The following HLCS variants were observed in gnomAD, a reference collection of about 807,000 sequenced individuals.
HLCS encodes the protein biotin--protein ligase.
Under a neutral mutation model 75.0 loss-of-function variants are expected in HLCS, and 53 were observed. The observed-to-expected ratio is 0.71, with a 90% CI of 0.57 to 0.89. The LOEUF (loss-of-function observed/expected upper bound fraction) is 0.89. Ranked by LOEUF, HLCS falls within the 40% of genes least tolerant of loss-of-function variation. HLCS has a pLI of 0.00. For synonymous variants in HLCS, 431 were observed against 428.6 expected (o/e 1.01, Z -0.07); for missense variants, 966 against 1,074.0 (o/e 0.90, Z 1.41).
intron 5 of HLCS, among the ~76,000 whole-genome samples, chr21:36,897,669 A>T (rs1379400670): frequency 6.6e-6 from 1 of 152,216 alleles, no homozygotes; most frequent in Non-Finnish European, 1.5e-5. Flanking sequence ...CCAACAAAGA[A>T]GACAATAATC....
intron 6 of HLCS, among the ~76,000 whole-genome samples, chr21:36,799,067 T>C (rs563518023): frequency 1.3e-5 from 2 of 152,294 alleles, no homozygotes; most frequent in Non-Finnish European, 2.9e-5. Flanking sequence ...TTATAGTTCA[T>C]GCTTTTTGTG....
In HLCS at chr21:36,952,088, T is replaced by G. The variant is rs538555365; in HGVS notation, c.330+9948A>C. Among the ~76,000 whole-genome samples the G allele has an allele frequency of 2.0e-5, 3 of 152,254 alleles. No homozygotes were observed. In the East Asian group the frequency reaches 5.8e-4, roughly 29 times the overall value. ...GTATAGTCTTAAAGATGTGAAAAAA[T>G]ATAAGATCCCATCAATTCAAATGTC... is the stretch of plus-strand genomic sequence containing the variant. On this transcript the variant is annotated intron_variant, in intron 2 of 10. Coordinates refer to ENST00000674895, the MANE Select transcript of HLCS (RefSeq NM_001352514.2).
At chr21:36,945,808 T>C (rs1046096630) in intron 2 of HLCS, among the ~76,000 whole-genome samples, 37 of 152,214 alleles carry the variant, frequency 2.4e-4, no homozygotes, top group African/African-American at 8.2e-4. Flanking sequence ...TTCATGTGAA[T>C]TATATCTCAA....
At chr21:36,980,884 G>C (rs1431762157) in intron 1 of HLCS, 1 of 152,836 alleles carries the variant, frequency 6.5e-6, no homozygotes, top group Non-Finnish European at 1.5e-5. Flanking sequence ...CTGGCCACAC[G>C]GGCTGAGACG....
Position 36,937,049 on chromosome 21 carries a change from G to A in HLCS, c.837C>T (p.Pro279=). Residue 279 remains proline (P), a synonymous_variant, in exon 4 of 11, where the codon CCC becomes CCT. Coordinates refer to ENST00000674895, the MANE Select transcript of HLCS (RefSeq NM_001352514.2). The part of the protein sequence containing the change: ...FASAENIPDL[P]YDYSSSLESV... ...TCTCCAAACTGCTGCTATAATCGTA[G>A]GGAAGGTCTGGAATGTTCTCGGCAG... is the stretch of plus-strand genomic sequence containing the variant. 1 of 1,614,118 alleles carries A rather than the reference G, an allele frequency of 6.2e-7. No homozygotes were observed. The highest frequency in any genetic ancestry group is 8.5e-7 in the Non-Finnish European group (1 of 1,180,014).
At chr21:36,964,129 G>A (rs1453911455) in intron 1 of HLCS, among the ~76,000 whole-genome samples, 2 of 152,204 alleles carry the variant, frequency 1.3e-5, no homozygotes, top group African/African-American at 2.4e-5. Flanking sequence ...GGACGCCAAA[G>A]GAGGAGAATC....
chr21:36,961,012 G>A (rs1383589693), intron 2 of HLCS, among the ~76,000 whole-genome samples: 1 of 152,216 alleles, frequency 6.6e-6, no homozygotes, highest in Non-Finnish European at 1.5e-5. Flanking sequence ...AGGAGCAGTG[G>A]AGATGAAGGA....
chr21:36,917,862 G>A lies in HLCS; in HGVS notation c.1620+12389C>T, dbSNP rs556646086. Among the ~76,000 whole-genome samples, 173 of 151,808 alleles carry A rather than the reference G, an allele frequency of 1.1e-3. 1 individual carries two copies. The Middle Eastern group carries it at 0.017, about 15-fold the overall frequency. On this transcript the variant is annotated intron_variant, in intron 5 of 10. Coordinates refer to ENST00000674895, the MANE Select transcript of HLCS (RefSeq NM_001352514.2). ...AGGCCATTCTAGGTAACAGCTGGAG[G>A]TGACTGGGGAAGCTGCAGAAATCCA...
chr21:36,835,982 A>G (rs2062398141), intron 6 of HLCS, among the ~76,000 whole-genome samples: 1 of 151,942 alleles, frequency 6.6e-6, no homozygotes, highest in Admixed American at 6.6e-5. Context: ...CCCTGCCCAC[A>G]ACTAACACAT....
chr21:36,834,815 T>C (rs555064913), intron 6 of HLCS, among the ~76,000 whole-genome samples: 39 of 152,232 alleles, frequency 2.6e-4, no homozygotes, highest in Non-Finnish European at 3.5e-4. Context: ...CGGCCTCCCA[T>C]AGTGCTGGGA....
Position 36,760,235 on chromosome 21 carries a change from C to T in HLCS, c.2122-394G>A, listed in dbSNP as rs143360750. Among the ~76,000 whole-genome samples, 63 of 152,290 alleles carry T rather than the reference C, an allele frequency of 4.1e-4. No homozygotes were observed. In the East Asian group the frequency reaches 9.1e-3, roughly 22 times the overall value. On this transcript the variant is annotated intron_variant, in intron 8 of 10. Transcript: ENST00000674895. ...AGAGAATAGTAATCTCAGGGGGCGT[C>T]TCCCTTCAGGAACCCATGCTTGAGA...
chr21:36,755,146 T>G (rs1332956065), intron 10 of HLCS, among the ~76,000 whole-genome samples: 6 of 151,926 alleles, frequency 3.9e-5, no homozygotes, highest in African/African-American at 1.4e-4. Flanking sequence ...TTTGTAACCT[T>G]AGCACTTTGG....
intron 6 of HLCS, among the ~76,000 whole-genome samples, chr21:36,800,753 A>T (rs1349004847): frequency 6.6e-6 from 1 of 152,192 alleles, no homozygotes; most frequent in African/African-American, 2.4e-5. Flanking sequence ...CAAGTAAAAG[A>T]CAGTAACTAA....
chr21:36,851,095 G>A (rs2062988034), intron 6 of HLCS, among the ~76,000 whole-genome samples: 1 of 152,156 alleles, frequency 6.6e-6, no homozygotes, highest in South Asian at 2.1e-4. Context: ...AAAACAAAAA[G>A]GTTATGAGAG....
At chr21:36,840,734 T>C (rs973009997) in intron 6 of HLCS, among the ~76,000 whole-genome samples, 6 of 152,240 alleles carry the variant, frequency 3.9e-5, no homozygotes, top group African/African-American at 1.4e-4. Flanking sequence ...CGCCTCAGCC[T>C]CCCGAATAGC....
intron 1 of HLCS, chr21:36,981,048 C>G (rs2069109685): frequency 6.6e-6 from 1 of 152,410 alleles, no homozygotes; most frequent in Admixed American, 6.5e-5. Context: ...TGGCCTGCCC[C>G]CTGGCCAGGT....
At chr21:36,904,933 T>C (rs1247815117) in intron 5 of HLCS, among the ~76,000 whole-genome samples, 1 of 152,188 alleles carries the variant, frequency 6.6e-6, no homozygotes, top group African/African-American at 2.4e-5. Flanking sequence ...GGCTGACATA[T>C]AAGTAGCACT....
intron 5 of HLCS, among the ~76,000 whole-genome samples, chr21:36,902,431 C>A (rs2065273984): frequency 6.6e-6 from 1 of 152,142 alleles, no homozygotes; most frequent in Non-Finnish European, 1.5e-5. Context: ...TCAGGTTCCC[C>A]TCTGCGGACA....
intron 6 of HLCS, among the ~76,000 whole-genome samples, chr21:36,767,981 CT>C (rs575081983): frequency 6.4e-4 from 97 of 152,114 alleles, no homozygotes; most frequent in African/African-American, 2.1e-3. Flanking sequence ...TCGATATTAA[CT>C]TTTTTTCAAA....
Sources: gnomAD v4.1 joint callset for allele counts (sites outside exome capture counted in the v4.1 genomes callset) on GRCh38, gnomAD v4.1.1 for gene constraint, MANE v1.5 for transcripts, NCBI Gene and HGNC (gene_info 2026-07-23, HGNC 2026-07-21) for gene names.